Variants in RIPOR2 observed in about 807,000 individuals in gnomAD.
RIPOR2 encodes the protein RHO family interacting cell polarization regulator 2.
RIPOR2 carries 39 observed loss-of-function variants against 114.5 expected under a neutral mutation model. The ratio of observed to expected loss-of-function variants is 0.34; its 90% CI spans 0.26 to 0.44. RIPOR2 has a LOEUF of 0.44. RIPOR2 is among the 20% of genes least tolerant of loss of function. The pLI is 1.00. For synonymous variants in RIPOR2, 445 were observed against 484.4 expected (o/e 0.92, Z 1.07); for missense variants, 1,007 against 1,255.1 (o/e 0.80, Z 2.99).
At chr6:24,943,483 A>G (rs958222839) in intron 1 of RIPOR2, among the ~76,000 whole-genome samples, 1 of 143,974 alleles carries the variant, frequency 6.9e-6, no homozygotes, top group African/African-American at 2.6e-5. Flanking sequence ...CTAAAACTTA[A>G]AGTATAATAA....
At chr6:24,901,134 T>TGCCAGGCTTG (rs1581750983) in intron 1 of RIPOR2, among the ~76,000 whole-genome samples, 1 of 152,332 alleles carries the variant, frequency 6.6e-6, no homozygotes, top group East Asian at 1.9e-4. Context: ...GAATCTTATG[T>TGCCAGGCTTG]GCCAGGCTTG....
intron 1 of RIPOR2, among the ~76,000 whole-genome samples, chr6:24,991,624 C>T (rs1296382946): frequency 6.6e-6 from 1 of 152,174 alleles, no homozygotes; most frequent in Non-Finnish European, 1.5e-5. Context: ...ACAACCAAAC[C>T]TCACTGTGGG....
At chr6:24,840,936 T>C (rs1001686347) in intron 13 of RIPOR2, among the ~76,000 whole-genome samples, 2 of 152,160 alleles carry the variant, frequency 1.3e-5, no homozygotes, top group African/African-American at 4.8e-5. Flanking sequence ...TTCACCTACT[T>C]CTAGGGTCTT....
intron 1 of RIPOR2, among the ~76,000 whole-genome samples, chr6:25,011,063 C>T (rs75619906): frequency 1.0e-3 from 156 of 152,248 alleles, no homozygotes; most frequent in African/African-American, 3.4e-3. Context: ...GTTACTTCAT[C>T]CTGTTCTTCA....
At chr6:25,021,171 A>G (rs9358822) in intron 1 of RIPOR2, among the ~76,000 whole-genome samples, 31,946 of 152,118 alleles carry the variant, frequency 0.21, 4,321 homozygotes, top group East Asian at 0.64. Flanking sequence ...TTTAATCTTT[A>G]TTTCCTTTGC....
chr6:24,901,177 A>C (rs1194344702), intron 1 of RIPOR2, among the ~76,000 whole-genome samples: 1 of 152,132 alleles, frequency 6.6e-6, no homozygotes, highest in Non-Finnish European at 1.5e-5. Flanking sequence ...TGGATTATAA[A>C]GGAGTGAAAC....
chr6:24,930,858 A>T lies in RIPOR2; in HGVS notation c.61+4980T>A, dbSNP rs1026154723. 2.6e-5 allele frequency among the ~76,000 whole-genome samples: 4 copies of T among 152,244 alleles called. No homozygotes were observed. In the South Asian group the frequency reaches 8.3e-4, roughly 31 times the overall value. Reference sequence around the variant, plus strand: ...TTTCTGCCCCTTTTCCAATCCCGTTATTGGGTCCACTTGAGAAACCCAGAT... The same window carrying T: ...TTTCTGCCCCTTTTCCAATCCCGTTTTTGGGTCCACTTGAGAAACCCAGAT... On this transcript the variant is annotated intron_variant, in intron 1 of 21. Transcript: ENST00000643898.
intron 1 of RIPOR2, among the ~76,000 whole-genome samples, chr6:24,877,668 T>C: frequency 6.6e-6 from 1 of 152,158 alleles, no homozygotes; most frequent in East Asian, 1.9e-4. Context: ...AAACATAAAT[T>C]TAATTTTCTC....
At chr6:24,910,994 C>T (rs1407354998) in intron 1 of RIPOR2, 2 of 979,954 alleles carry the variant, frequency 2.0e-6, no homozygotes, top group Non-Finnish European at 2.4e-6. Flanking sequence ...CGCGAGCTGT[C>T]CCCAGCGCCG....
chr6:25,024,515 G>A, intron 1 of RIPOR2: 1 of 694,872 alleles, frequency 1.4e-6, no homozygotes, highest in South Asian at 1.5e-5. Flanking sequence ...CGAGTTCCCA[G>A]CGTCTGGAAT....
At chr6:24,867,857 C>T (rs751512880) in intron 6 of RIPOR2, among the ~76,000 whole-genome samples, 1 of 152,146 alleles carries the variant, frequency 6.6e-6, no homozygotes, top group Admixed American at 6.5e-5. Context: ...ATTTGTTAGG[C>T]GTCTGAATAT....
chr6:24,840,572 C>T, intron 13 of RIPOR2: 1 of 1,471,386 alleles, frequency 6.8e-7, no homozygotes, highest in Non-Finnish European at 9.0e-7. Flanking sequence ...GTCCTCCATC[C>T]AGTTAGGTGA....
rs1761398253 is a variant in RIPOR2 at position 24,839,275 on chromosome 6, G to A, written c.1858-3C>T. 1.9e-6 allele frequency: 3 copies of A among 1,550,938 alleles called. No homozygotes were observed. The highest frequency in any genetic ancestry group is 1.7e-6 in the Non-Finnish European group (2 of 1,146,414). The stretch of plus-strand genomic sequence containing the variant: ...CTGCGGCTTACTGCTGGCTTGCACT[G>A]TAAAGGCAGAAGGCACCAGGGAGAA... On this transcript the variant is annotated splice_region_variant and splice_polypyrimidine_tract_variant and intron_variant, in intron 13 of 21. Coordinates refer to ENST00000643898, the MANE Select transcript of RIPOR2 (RefSeq NM_001286445.3).
chr6:24,838,593 A>G (rs909460527), intron 14 of RIPOR2, among the ~76,000 whole-genome samples: 1 of 152,138 alleles, frequency 6.6e-6, no homozygotes, highest in Non-Finnish European at 1.5e-5. Flanking sequence ...GGAGTTCAAG[A>G]CCAGCTTGGC....
chr6:24,940,278 A>G (rs1772054426), upstream of RIPOR2, among the ~76,000 whole-genome samples: 1 of 152,216 alleles, frequency 6.6e-6, no homozygotes, highest in Non-Finnish European at 1.5e-5. Flanking sequence ...AAAAATTTCA[A>G]CATCCAACGT....
At chr6:24,947,703 A>G (rs1772497731) in intron 1 of RIPOR2, among the ~76,000 whole-genome samples, 1 of 148,794 alleles carries the variant, frequency 6.7e-6, no homozygotes, top group Non-Finnish European at 1.5e-5. Context: ...CAAATAAAGG[A>G]TGGGGAGGAG....
chr6:24,976,064 G>T (rs971566725), intron 1 of RIPOR2, among the ~76,000 whole-genome samples: 2 of 152,140 alleles, frequency 1.3e-5, no homozygotes, highest in East Asian at 3.8e-4. Flanking sequence ...AATGCTAGCG[G>T]AAAGGTTAAC....
chr6:24,942,561 C>G (rs1333341547), intron 1 of RIPOR2, among the ~76,000 whole-genome samples: 1 of 152,192 alleles, frequency 6.6e-6, no homozygotes, highest in African/African-American at 2.4e-5. Context: ...TCTCCACATC[C>G]TCTCCAGCAC....
At chr6:24,903,631 G>A (rs1393204564) in intron 1 of RIPOR2, among the ~76,000 whole-genome samples, 1 of 151,770 alleles carries the variant, frequency 6.6e-6, no homozygotes, top group Non-Finnish European at 1.5e-5. Flanking sequence ...TACACAGTAG[G>A]TGTGTATATT....
Sources: allele counts gnomAD v4.1 joint callset (sites outside exome capture counted in the v4.1 genomes callset), GRCh38; gene constraint gnomAD v4.1.1; transcripts MANE v1.5; gene names NCBI Gene and HGNC (gene_info 2026-07-23, HGNC 2026-07-21).